The following TTC4 variants were observed in gnomAD, a reference collection of about 807,000 sequenced individuals.
TTC4 encodes hsp70/Hsp90 co-chaperone CNS1 homolog.
TTC4 carries 36 observed loss-of-function variants against 51.9 expected under a neutral mutation model. That is an observed-to-expected ratio of 0.69 (90% CI 0.53 to 0.92). The LOEUF (loss-of-function observed/expected upper bound fraction) is 0.92, where lower values mean the gene tolerates loss of function less well. TTC4 is among the 40% of genes least tolerant of loss of function. The probability of loss-of-function intolerance (pLI) is 0.00; values close to 1 mark genes in which losing one functional copy is unlikely to be tolerated. For missense variants in TTC4, 399 were observed against 454.6 expected (o/e 0.88, Z 1.11); for synonymous variants, 144 against 164.2 (o/e 0.88, Z 0.94).
intron 3 of TTC4, among the ~76,000 whole-genome samples, chr1:54,720,851 C>T (rs1205249883): frequency 6.6e-6 from 1 of 151,966 alleles, no homozygotes; most frequent in Non-Finnish European, 1.5e-5. Flanking sequence ...TGAGAGTACC[C>T]CTTTTCCATA....
intron 8 of TTC4, among the ~76,000 whole-genome samples, chr1:54,734,276 T>G (rs1192102295): frequency 1.3e-5 from 2 of 152,220 alleles, no homozygotes; most frequent in Non-Finnish European, 2.9e-5. Flanking sequence ...TTCACCATGT[T>G]GGCCAGGCTG....
chr1:54,738,246 G>A (rs893254787), intron 9 of TTC4, among the ~76,000 whole-genome samples: 4 of 152,030 alleles, frequency 2.6e-5, no homozygotes, highest in Admixed American at 6.6e-5. Flanking sequence ...AGACTTAGTC[G>A]CTATCACGAG....
chr1:54,733,746 AATTTTTTTTTTTTTT>A, intron 8 of TTC4, 36 bp downstream of exon 8: 5 of 1,078,844 alleles, frequency 4.6e-6, no homozygotes, highest in African/African-American at 3.5e-5. Context: ...CTATGGAATT[AATTTTTTTTTTTTTT>A]TTTTTTTTTT....
intron 9 of TTC4, among the ~76,000 whole-genome samples, chr1:54,739,213 G>T (rs772869886): frequency 6.6e-6 from 1 of 151,434 alleles, no homozygotes; most frequent in Non-Finnish European, 1.5e-5. Flanking sequence ...TAGAGACAGG[G>T]TATCTTCTCC....
At chr1:54,740,102 C>T (rs938141442) in intron 9 of TTC4, among the ~76,000 whole-genome samples, 1 of 152,110 alleles carries the variant, frequency 6.6e-6, no homozygotes, top group Non-Finnish European at 1.5e-5. Context: ...TTGAGCCCAG[C>T]ATTTCAAGGC....
At chr1:54,736,526 G>A (rs541195157) in intron 8 of TTC4, among the ~76,000 whole-genome samples, 10 of 151,756 alleles carry the variant, frequency 6.6e-5, no homozygotes, top group Middle Eastern at 3.4e-3. Context: ...GTTTGCCACC[G>A]TGCCCAACTA....
At chr1:54,729,536 A>G (rs561855518) in intron 6 of TTC4, among the ~76,000 whole-genome samples, 5 of 152,158 alleles carry the variant, frequency 3.3e-5, no homozygotes, top group Non-Finnish European at 7.3e-5. Flanking sequence ...AAAGTCTGAC[A>G]TTTTAGGATG....
chr1:54,731,360 T>C, intron 6 of TTC4, 126 bp from the exon 7 acceptor site: 1 of 846,366 alleles, frequency 1.2e-6, no homozygotes, highest in Non-Finnish European at 1.7e-6. Flanking sequence ...CTTCAAAAAA[T>C]AAAAATAAAT....
chr1:54,721,294 A>G (rs1363478890), intron 4 of TTC4, 54 bp downstream of exon 4: 9 of 1,566,316 alleles, frequency 5.7e-6, no homozygotes, highest in Non-Finnish European at 7.9e-6. Context: ...TGAAGGTGCT[A>G]GGATACTAAT....
rs1381870660 is a variant in TTC4, at chr1:54,741,417, T to C, written c.1068T>C (p.Phe356=). 3.1e-6 allele frequency: 5 copies of C among 1,614,130 alleles called. No homozygotes were observed. The South Asian group carries it at 4.4e-5, about 14-fold the overall frequency. ...LLQVLQHQRY[F]VKALTPAFLV... ...TTTGTTGTGTTCACGGCAGGTACTT[T>C]GTAAAAGCCCTGACACCAGCATTTT... Residue 356 remains phenylalanine (F), a synonymous_variant, in exon 10 of 10, where the codon TTT becomes TTC. Coordinates refer to ENST00000371281, the MANE Select transcript of TTC4 (RefSeq NM_004623.5).
Position 54,733,730 on chromosome 1 carries a change from G to A in TTC4, c.978+20G>A, listed in dbSNP as rs760491517. The A allele has an allele frequency of 5.5e-5, 75 of 1,362,064 alleles. No individual in the cohort carries two copies. Among genetic ancestry groups the A allele is most frequent in the African/African-American group, 1.4e-4 (9 of 64,622 alleles). The allele number at this position is 1,362,064 out of a possible 1,614,324, so 84.4% of individuals were successfully genotyped here. A position where few individuals can be genotyped will look rare whatever the true frequency, so the allele number is the denominator to read the frequency against. ...TTGGAGGTAAGAGAAGTTTTATTTCGTTCCTCTATGGAATTAATTTTTTTT... is the reference window on the plus strand; with the variant it reads ...TTGGAGGTAAGAGAAGTTTTATTTCATTCCTCTATGGAATTAATTTTTTTT... On this transcript the variant is annotated intron_variant, in intron 8 of 9. Transcript: ENST00000371281.
chr1:54,738,097 C>T (rs1645968810), intron 9 of TTC4, among the ~76,000 whole-genome samples: 1 of 152,162 alleles, frequency 6.6e-6, no homozygotes, highest in Non-Finnish European at 1.5e-5. Context: ...GACGGGGTTT[C>T]ACCATGTTGG....
Position 54,731,529 on chromosome 1 carries a change from A to T in TTC4, c.725A>T (p.Asp242Val). ...RLSEAACEDE[D>V]SASEGLGELF... ...TCAGAAGCTGCCTGTGAGGATGAAG[A>T]TTCAGCCTCAGAAGGTCTAGGTGAG... is the stretch of plus-strand genomic sequence containing the variant. Residue 242 changes from aspartate to valine, a missense_variant, in exon 7 of 10, where the codon GAT (aspartate) becomes GTT (valine). Physicochemically the swap from Asp to Val is radical, Grantham distance 152. Coordinates refer to ENST00000371281, the MANE Select transcript of TTC4 (RefSeq NM_004623.5). The T allele has an allele frequency of 6.2e-7, 1 of 1,613,958 alleles. No individual in the cohort carries two copies. The highest frequency in any genetic ancestry group is 8.5e-7 in the Non-Finnish European group (1 of 1,179,924).
chr1:54,736,363 GTTC>G (rs1163156277), intron 8 of TTC4, among the ~76,000 whole-genome samples: 1 of 151,748 alleles, frequency 6.6e-6, no homozygotes, highest in African/African-American at 2.4e-5. Flanking sequence ...CTTTCTTCTT[GTTC>G]TTTTTTTGTT....
At position 54,741,581 on chromosome 1, in the gene TTC4, C is replaced by CAGTA; in HGVS notation, c.*68_*69insAGTA. Reference sequence around the variant, plus strand: ...TGGGAACCTAGCACACCTGAATCAGCTGGACATACTGCTGGAGTCCAGTGC... The same window carrying CAGTA: ...TGGGAACCTAGCACACCTGAATCAGCAGTATGGACATACTGCTGGAGTCCAGTGC... On this transcript the variant is annotated 3_prime_UTR_variant, in exon 10 of 10. Transcript: ENST00000371281. 4 of 1,271,044 alleles carry CAGTA rather than the reference C, an allele frequency of 3.1e-6. No homozygotes were observed. The highest frequency in any genetic ancestry group is 3.4e-6 in the Non-Finnish European group (3 of 870,848). 78.7% of individuals were successfully genotyped at this position (1,271,044 alleles called of 1,614,324 possible). A position where few individuals can be genotyped will look rare whatever the true frequency, so the allele number is the denominator to read the frequency against.
intron 1 of TTC4, chr1:54,716,248 TGAGTCAGTTACTTAACTTCTCA>T (rs1645674417): frequency 1.8e-6 from 1 of 562,032 alleles, no homozygotes; most frequent in African/African-American, 1.9e-5. Context: ...GGCTCTGATA[TGAGTCAGTTACTTAACTTCTCA>T]GAGTCCGTTT....
intron 5 of TTC4, among the ~76,000 whole-genome samples, chr1:54,727,682 T>A (rs1645816643): frequency 8.6e-6 from 1 of 116,694 alleles, no homozygotes. Context: ...TGAGACCTCA[T>A]CTCTACAAAA....
rs56377627 is a variant in TTC4, at chr1:54,731,350, CTT to C, written c.682-135_682-134del. On this transcript the variant is annotated intron_variant, in intron 6 of 9. Coordinates refer to ENST00000371281, the MANE Select transcript of TTC4 (RefSeq NM_004623.5). Reference sequence around the variant, plus strand: ...TGGGCAATATAGTGAAACTCCGTCTCTTCAAAAAATAAAAATAAATAAAAAAT... The same window carrying C: ...TGGGCAATATAGTGAAACTCCGTCTCCAAAAAATAAAAATAAATAAAAAAT... The C allele has an allele frequency of 2.3e-3, 1,808 of 782,708 alleles. 10 individuals carry two copies. Among genetic ancestry groups the C allele is most frequent in the South Asian group, 5.7e-3 (244 of 42,554 alleles). 48.5% of individuals were successfully genotyped at this position (782,708 alleles called of 1,614,324 possible).
At chr1:54,723,205 T>C (rs10888870) in intron 5 of TTC4, among the ~76,000 whole-genome samples, 15,506 of 152,216 alleles carry the variant, frequency 0.1, 1,191 homozygotes, top group African/African-American at 0.2. Context: ...GGTTTGTAGC[T>C]TGGGTGCAAT....
Sources: gnomAD v4.1 joint callset for allele counts (sites outside exome capture counted in the v4.1 genomes callset) on GRCh38, gnomAD v4.1.1 for gene constraint, MANE v1.5 for transcripts, NCBI Gene and HGNC (gene_info 2026-07-23, HGNC 2026-07-21) for gene names.